Variants in ESR2 observed in about 807,000 individuals in gnomAD.
The protein encoded by ESR2 is estrogen receptor 2, also known as estrogen receptor beta.
A neutral mutation model predicts 49.6 loss-of-function variants in ESR2; 36 were observed. That is an observed-to-expected ratio of 0.73 (90% CI 0.56 to 0.96). The LOEUF (loss-of-function observed/expected upper bound fraction) is 0.96, where lower values mean the gene tolerates loss of function less well. ESR2 is among the 40% of genes least tolerant of loss of function. The probability of loss-of-function intolerance (pLI) is 0.00; values close to 1 mark genes in which losing one functional copy is unlikely to be tolerated. For missense variants in ESR2, 714 were observed against 693.0 expected, an observed-to-expected ratio of 1.03 and a Z score of -0.34; for synonymous variants, 320 against 266.1, an observed-to-expected ratio of 1.20 and a Z score of -1.97.
At chr14:64,275,986 C>T (rs2076550909) in intron 3 of ESR2, among the ~76,000 whole-genome samples, 1 of 152,044 alleles carries the variant, frequency 6.6e-6, no homozygotes, top group Admixed American at 6.6e-5. Flanking sequence ...GAGATAAATA[C>T]ATTTGGTTAT....
At chr14:64,262,674 G>A (rs2076247187) in intron 4 of ESR2, among the ~76,000 whole-genome samples, 4 of 151,982 alleles carry the variant, frequency 2.6e-5, no homozygotes, top group Admixed American at 2.6e-4. Context: ...GGCGGGTGGG[G>A]CGGGAGGGGA....
rs779856508 is a variant in ESR2 at position 64,233,146 on chromosome 14, CTG to C, written c.1582_1583del (p.Gln528ValfsTer18). The C allele has an allele frequency of 1.1e-5, 17 of 1,613,400 alleles. No homozygotes were observed. The African/African-American group carries it at 1.5e-4, about 14-fold the overall frequency. Reference sequence around the variant, plus strand: ...ACCTCAGGGCCAGGCGTCACTGAGACTGTGGGTTCTGGGAGCCCTCTTTGCTT... The same window carrying C: ...ACCTCAGGGCCAGGCGTCACTGAGACTGGGTTCTGGGAGCCCTCTTTGCTT... ...SKSKEGSQNP[Q>X]SQ On this transcript the variant is annotated frameshift_variant, in exon 9 of 9. Coordinates refer to ENST00000341099, the MANE Select transcript of ESR2 (RefSeq NM_001437.3). LOFTEE classifies it high-confidence loss of function.
At chr14:64,328,520 A>C (rs1455709608) in intron 1 of ESR2, among the ~76,000 whole-genome samples, 1 of 152,248 alleles carries the variant, frequency 6.6e-6, no homozygotes, top group Non-Finnish European at 1.5e-5. Context: ...AGACATTTGG[A>C]GAGCAATATC....
chr14:64,316,080 G>C (rs1487313570), intron 1 of ESR2, among the ~76,000 whole-genome samples: 1 of 152,132 alleles, frequency 6.6e-6, no homozygotes, highest in Non-Finnish European at 1.5e-5. Flanking sequence ...CATGATCATA[G>C]CTCATTGTAG....
At chr14:64,323,262 C>T (rs1363124509) in intron 1 of ESR2, among the ~76,000 whole-genome samples, 1 of 152,146 alleles carries the variant, frequency 6.6e-6, no homozygotes, top group Non-Finnish European at 1.5e-5. Context: ...GGCTGGAGTG[C>T]AGTGGTGCAA....
chr14:64,326,288 A>G (rs908974370), intron 1 of ESR2, among the ~76,000 whole-genome samples: 1 of 152,050 alleles, frequency 6.6e-6, no homozygotes, highest in African/African-American at 2.4e-5. Flanking sequence ...CCTTCACTCA[A>G]TGAAGATTTG....
At chr14:64,260,186 G>A (rs1292823641) in intron 5 of ESR2, 9 of 710,428 alleles carry the variant, frequency 1.3e-5, no homozygotes, top group Admixed American at 5.4e-5. Context: ...GCTGGGCCAC[G>A]CACAACTCTT....
At chr14:64,263,784 AC>A (rs1368992502) in intron 4 of ESR2, among the ~76,000 whole-genome samples, 3 of 152,344 alleles carry the variant, frequency 2.0e-5, no homozygotes, top group Admixed American at 1.3e-4. Flanking sequence ...CTCTCTCTCA[AC>A]AGCTGAAAGA....
intron 4 of ESR2, among the ~76,000 whole-genome samples, chr14:64,264,488 G>T (rs963841360): frequency 5.3e-5 from 8 of 152,014 alleles, no homozygotes; most frequent in Admixed American, 2.0e-4. Flanking sequence ...TATACTTTAG[G>T]TTCTGGGATA....
At chr14:64,327,351 AG>A (rs1196475378) in intron 1 of ESR2, among the ~76,000 whole-genome samples, 1 of 152,076 alleles carries the variant, frequency 6.6e-6, no homozygotes, top group Non-Finnish European at 1.5e-5. Context: ...ACCTGAGCTC[AG>A]GAATTCGAGA....
chr14:64,271,237 GCTGGGA>G (rs2076439029), intron 3 of ESR2, among the ~76,000 whole-genome samples: 1 of 151,920 alleles, frequency 6.6e-6, no homozygotes, highest in South Asian at 2.1e-4. Flanking sequence ...CTCCCATGTA[GCTGGGA>G]CTCCCACTTT....
upstream of ESR2, among the ~76,000 whole-genome samples, chr14:64,296,717 A>G (rs1246337586): frequency 6.6e-6 from 1 of 152,240 alleles, no homozygotes; most frequent in Admixed American, 6.5e-5. Flanking sequence ...TGCTTCCTTC[A>G]GAAGGCATTC....
chr14:64,308,558 A>G (rs2077141722), intron 1 of ESR2, among the ~76,000 whole-genome samples: 2 of 152,290 alleles, frequency 1.3e-5, no homozygotes, highest in South Asian at 4.1e-4. Flanking sequence ...ATTTTATGAC[A>G]GAAATAATTT....
rs2098731345 is a variant in ESR2 at position 64,235,135 on chromosome 14, A to G, written c.1241T>C (p.Val414Ala). 1.2e-6 allele frequency: 2 copies of G among 1,613,570 alleles called. No homozygotes were observed. The highest frequency in any genetic ancestry group is 2.7e-5 in the African/African-American group (2 of 74,944). Residue 414 changes from valine (V) to alanine (A), a missense_variant, in exon 8 of 9, where the codon GTC becomes GCC. By Grantham distance (64) the Val-to-Ala change is moderately conservative. Transcript: ENST00000341099. ...ILLNSSMYPL[V>A]TATQDADSSR... ...GCTGTCAGCATCCTGGGTCGCTGTG[A>G]CCAGAGGGTACATACCTGGACAAAG... is the stretch of plus-strand genomic sequence containing the variant.
At position 64,292,217 on chromosome 14, in the gene ESR2, G is replaced by A. The variant is rs186097295; in HGVS notation, c.-91+1816C>T. On this transcript the variant is annotated intron_variant, in intron 1 of 8. Transcript: ENST00000341099. ...TCATCCTATAAAAAGGGAAAAACAG[G>A]TTTTTCTTTCAAAAGAAGTAAAGGA... 2.0e-5 allele frequency among the ~76,000 whole-genome samples: 3 copies of A among 147,246 alleles called. No individual in the cohort carries two copies. In the Admixed American group the frequency reaches 2.0e-4, roughly 10 times the overall value.
downstream of ESR2, chr14:64,227,339 T>A (rs2098722312): frequency 3.1e-6 from 2 of 637,136 alleles, no homozygotes; most frequent in South Asian, 4.1e-5. Context: ...CGTCTTCACT[T>A]TAGCGTTTAC....
chr14:64,296,043 C>CAA (rs34335763), upstream of ESR2, among the ~76,000 whole-genome samples: 10,057 of 88,280 alleles, frequency 0.11, 1,252 homozygotes, highest in African/African-American at 0.28. Context: ...GACTCTGTCT[C>CAA]AAAAAAAAAA....
chr14:64,250,524 A>G (rs1398966391), intron 6 of ESR2, among the ~76,000 whole-genome samples: 2 of 152,276 alleles, frequency 1.3e-5, no homozygotes, highest in East Asian at 3.9e-4. Context: ...AAAACACTCT[A>G]TTATTGTCAG....
chr14:64,268,148 A>T (rs1157058982), intron 4 of ESR2, among the ~76,000 whole-genome samples: 1 of 152,246 alleles, frequency 6.6e-6, no homozygotes, highest in East Asian at 1.9e-4. Flanking sequence ...CTTTGTGCAT[A>T]AAATATATGC....
Sources: gnomAD v4.1 joint callset for allele counts (sites outside exome capture counted in the v4.1 genomes callset) on GRCh38, gnomAD v4.1.1 for gene constraint, MANE v1.5 for transcripts, NCBI Gene and HGNC (gene_info 2026-07-23, HGNC 2026-07-21) for gene names.